The following TDRD5 variants were observed in gnomAD, a reference collection of about 807,000 sequenced individuals.
The protein encoded by TDRD5 is tudor domain containing 5.
A neutral mutation model predicts 120.6 loss-of-function variants in TDRD5; 41 were observed. That is an observed-to-expected ratio of 0.34 (90% CI 0.26 to 0.44). The LOEUF is 0.44. Ranked by LOEUF, TDRD5 falls within the 20% of genes least tolerant of loss-of-function variation. The pLI, the probability that TDRD5 is intolerant of heterozygous loss-of-function variation, is 1.00. For missense variants in TDRD5, 1,006 were observed against 1,221.2 expected (o/e 0.82, Z 2.63); for synonymous variants, 430 against 433.7 (o/e 0.99, Z 0.11).
At chr1:179,609,041 C>T (rs192450213) in intron 4 of TDRD5, among the ~76,000 whole-genome samples, 9 of 152,102 alleles carry the variant, frequency 5.9e-5, no homozygotes, top group Admixed American at 5.2e-4. Flanking sequence ...AAGGTGGGGT[C>T]CTTATGATGG....
chr1:179,630,083 C>T (rs1677351241), intron 6 of TDRD5, among the ~76,000 whole-genome samples: 9 of 151,796 alleles, frequency 5.9e-5, no homozygotes, highest in Admixed American at 5.9e-4. Context: ...GGGTTCATGC[C>T]ATTCTCCGGG....
intron 17 of TDRD5, among the ~76,000 whole-genome samples, chr1:179,671,811 C>T (rs1481992088): frequency 3.3e-5 from 5 of 152,156 alleles, no homozygotes; most frequent in Non-Finnish European, 5.9e-5. Flanking sequence ...TAGCTTAGCT[C>T]CCACCTATGA....
intron 14 of TDRD5, among the ~76,000 whole-genome samples, chr1:179,659,582 TGTGTGTGTGCGC>T (rs1679186711): frequency 1.4e-5 from 2 of 144,848 alleles, no homozygotes; most frequent in African/African-American, 5.0e-5. Context: ...TGTGTGTGTG[TGTGTGTGTGCGC>T]GCGCTTGCCT....
intron 2 of TDRD5, among the ~76,000 whole-genome samples, chr1:179,593,128 C>T (rs1477432385): frequency 6.6e-6 from 1 of 152,142 alleles, no homozygotes; most frequent in Non-Finnish European, 1.5e-5. Flanking sequence ...AAAAGGACTT[C>T]TTAATTATAA....
intron 4 of TDRD5, among the ~76,000 whole-genome samples, chr1:179,600,003 T>A (rs1572328532): frequency 1.3e-5 from 2 of 152,276 alleles, no homozygotes; most frequent in Non-Finnish European, 2.9e-5. Flanking sequence ...TACCATTATT[T>A]TAGAGTGCAC....
rs539261174 is a variant in TDRD5 at position 179,640,266 on chromosome 1, G to A, written c.1734-113G>A. 132 of 1,237,974 alleles carry A rather than the reference G, an allele frequency of 1.1e-4. No individual in the cohort carries two copies. The African/African-American group carries it at 1.8e-3, about 17-fold the overall frequency. The allele number at this position is 1,237,974 out of a possible 1,614,324, so 76.7% of individuals were successfully genotyped here. On this transcript the variant is annotated intron_variant, in intron 10 of 17. Coordinates refer to ENST00000444136, the MANE Select transcript of TDRD5 (RefSeq NM_001199085.3). ...ACATGACACTGAATTTTGAATGGAC[G>A]ATGAGATTACGTTTTAGTCTCTTAT...
chr1:179,602,050 C>A (rs1256084221), intron 4 of TDRD5, among the ~76,000 whole-genome samples: 1 of 152,214 alleles, frequency 6.6e-6, no homozygotes, highest in African/African-American at 2.4e-5. Flanking sequence ...AGGCAGTCCA[C>A]CCACCTCGGC....
intron 7 of TDRD5, among the ~76,000 whole-genome samples, chr1:179,631,650 A>G (rs116787860): frequency 0.049 from 7,491 of 152,190 alleles, 269 homozygotes; most frequent in Non-Finnish European, 0.069. Flanking sequence ...CAGAGTTCCC[A>G]AAAACCTTTC....
At chr1:179,617,883 T>C (rs1000689606) in intron 4 of TDRD5, among the ~76,000 whole-genome samples, 3 of 152,196 alleles carry the variant, frequency 2.0e-5, no homozygotes, top group Non-Finnish European at 2.9e-5. Flanking sequence ...TCTACTGTCT[T>C]AACTCAGATT....
At chr1:179,627,643 T>A (rs1021614814) in intron 6 of TDRD5, among the ~76,000 whole-genome samples, 3 of 152,134 alleles carry the variant, frequency 2.0e-5, no homozygotes, top group Non-Finnish European at 2.9e-5. Context: ...ACATTAGAGC[T>A]TAGGAATTCA....
rs1406042444 is a variant in TDRD5, at chr1:179,670,441, C to T, written c.2860+1037C>T. ...GTACACACACATAGGAGTCGATTTG[C>T]TAGGTCATACAGTAACTGCATGTTT... On this transcript the variant is annotated intron_variant, in intron 17 of 17. Transcript: ENST00000444136. Among the ~76,000 whole-genome samples the T allele has an allele frequency of 4.6e-5, 7 of 152,030 alleles. No individual in the cohort carries two copies. The East Asian group carries it at 9.6e-4, about 21-fold the overall frequency.
chr1:179,593,564 T>C lies in TDRD5; in HGVS notation c.337T>C (p.Ser113Pro). The change falls in exon 3 of 18, where the codon TCT becomes CCT. Residue 113 changes from serine (S) to proline (P), a missense_variant. Coordinates refer to ENST00000444136, the MANE Select transcript of TDRD5 (RefSeq NM_001199085.3). ...GCATAAGGGAAGACCTAGTATTTAT[T>C]CTGGACCGAGATCTCATCGGCGAGT... is the stretch of plus-strand genomic sequence containing the variant. ...SMHKGRPSIYSGPRSHRRVPY... is the reference protein window; with the variant it reads ...SMHKGRPSIYPGPRSHRRVPY... 1.2e-6 allele frequency: 2 copies of C among 1,614,232 alleles called. No individual in the cohort carries two copies. The highest frequency in any genetic ancestry group is 1.7e-6 in the Non-Finnish European group (2 of 1,180,036).
intron 9 of TDRD5, among the ~76,000 whole-genome samples, chr1:179,637,022 T>C (rs10494522): frequency 0.44 from 66,601 of 152,122 alleles, 14,654 homozygotes; most frequent in Admixed American, 0.47. Context: ...CTACTAAAAA[T>C]TGTCCTTTGT....
chr1:179,642,342 C>A (rs999423482), intron 11 of TDRD5, among the ~76,000 whole-genome samples: 1 of 152,062 alleles, frequency 6.6e-6, no homozygotes, highest in African/African-American at 2.4e-5. Flanking sequence ...TCAAGTGATC[C>A]GCCCACCTCG....
chr1:179,689,902 A>C (rs576402976), intron 17 of TDRD5, among the ~76,000 whole-genome samples: 2 of 152,310 alleles, frequency 1.3e-5, no homozygotes, highest in East Asian at 3.9e-4. Flanking sequence ...GAGTGTTGGA[A>C]AAGTGCAGTA....
chr1:179,608,949 A>T lies in TDRD5; in HGVS notation c.832-9650A>T, dbSNP rs117750079. 9.0e-3 allele frequency among the ~76,000 whole-genome samples: 1,368 copies of T among 152,190 alleles called. 45 individuals carry two copies. Among genetic ancestry groups the T allele is most frequent in the East Asian group, 0.061 (314 of 5,172 alleles). On this transcript the variant is annotated intron_variant, in intron 4 of 17. Coordinates refer to ENST00000444136, the MANE Select transcript of TDRD5 (RefSeq NM_001199085.3). ...ACTTAATTATGTTCTCCCTATATTT[A>T]TATATTTAAGCCCCAGCCTCCAATA...
intron 14 of TDRD5, among the ~76,000 whole-genome samples, chr1:179,660,200 T>A (rs936300493): frequency 6.6e-6 from 1 of 150,888 alleles, no homozygotes; most frequent in African/African-American, 2.4e-5. Context: ...TATTCCATTT[T>A]ATCTACTATG....
intron 11 of TDRD5, among the ~76,000 whole-genome samples, chr1:179,642,555 C>T (rs989882452): frequency 1.3e-5 from 2 of 152,304 alleles, no homozygotes; most frequent in East Asian, 3.9e-4. Context: ...TTTGACCTGA[C>T]AATTAAAAAT....
chr1:179,613,957 G>A (rs769340026), intron 4 of TDRD5, among the ~76,000 whole-genome samples: 2 of 152,192 alleles, frequency 1.3e-5, no homozygotes, highest in African/African-American at 4.8e-5. Flanking sequence ...TGGCCAAAAG[G>A]TCTGAAGTAT....
Sources: gnomAD v4.1 joint callset for allele counts (sites outside exome capture counted in the v4.1 genomes callset) on GRCh38, gnomAD v4.1.1 for gene constraint, MANE v1.5 for transcripts, NCBI Gene and HGNC (gene_info 2026-07-23, HGNC 2026-07-21) for gene names.